Variants in CCDC142 observed in about 807,000 individuals in gnomAD.
The protein encoded by CCDC142 is coiled-coil domain-containing protein 142.
Under a neutral mutation model 83.8 loss-of-function variants are expected in CCDC142, and 67 were observed. The observed-to-expected ratio is 0.80, with a 90% CI of 0.66 to 0.98. CCDC142 has a LOEUF of 0.98. CCDC142 is among the 50% of genes least tolerant of loss of function. CCDC142 has a pLI of 0.00. For missense variants in CCDC142, 905 were observed against 946.8 expected (o/e 0.96, Z 0.58); for synonymous variants, 421 against 421.2 (o/e 1.00, Z 0.01).
At position 74,473,333 on chromosome 2, in the gene CCDC142, T is replaced by G. The variant is rs1238354746; in HGVS notation, c.*1213A>C. 1 of 152,764 alleles carries G rather than the reference T, an allele frequency of 6.5e-6. No individual in the cohort carries two copies. Among genetic ancestry groups the G allele is most frequent in the Non-Finnish European group, 1.5e-5 (1 of 68,382 alleles). The allele number at this position is 152,764 out of a possible 1,614,324, so 9.5% of individuals were successfully genotyped here. A position where few individuals can be genotyped will look rare whatever the true frequency, so the allele number is the denominator to read the frequency against. Reference sequence around the variant, plus strand: ...GAAGTGCATTCTAGCCAGTTTTCTTTTTTTGAGACGAAGTTTTGCTCTTGT... The same window carrying G: ...GAAGTGCATTCTAGCCAGTTTTCTTGTTTTGAGACGAAGTTTTGCTCTTGT... On this transcript the variant is annotated 3_prime_UTR_variant, in exon 9 of 9. Coordinates refer to ENST00000393965, the MANE Select transcript of CCDC142 (RefSeq NM_001365575.2).
intron 5 of CCDC142, among the ~76,000 whole-genome samples, chr2:74,478,070 A>G (rs984495694): frequency 2.0e-4 from 30 of 147,598 alleles, no homozygotes; most frequent in Non-Finnish European, 2.7e-4. Flanking sequence ...ATATATATAT[A>G]TACTTTTTTT....
At chr2:74,480,383 G>A (rs1672413493) in intron 5 of CCDC142, among the ~76,000 whole-genome samples, 1 of 152,112 alleles carries the variant, frequency 6.6e-6, no homozygotes, top group Non-Finnish European at 1.5e-5. Flanking sequence ...GAGCTCAAGG[G>A]TCCGAGACCA....
In CCDC142 at chr2:74,482,921, C is replaced by A; in HGVS notation, c.-84G>T. 1.3e-6 allele frequency: 2 copies of A among 1,563,714 alleles called. No individual in the cohort carries two copies. The highest frequency in any genetic ancestry group is 1.3e-5 in the African/African-American group (1 of 74,248). On this transcript the variant is annotated 5_prime_UTR_variant, in exon 1 of 9. Transcript: ENST00000393965. The surrounding 1 kb of genome is among the most constrained non-coding windows in gnomAD (Gnocchi z 5.0). Reference sequence around the variant, plus strand: ...CGCCGCAGCTCGGACTTCGCCCCATCGCAAGAGCCGTTTTCTCCAGTCCGG... The same window carrying A: ...CGCCGCAGCTCGGACTTCGCCCCATAGCAAGAGCCGTTTTCTCCAGTCCGG...
In CCDC142 at chr2:74,473,593, A is replaced by C. The variant is rs774559470; in HGVS notation, c.*953T>G. ...AGGCCTCCCAAAGTGCTGGGATTAC[A>C]GGCGTGAGCAGGCGTGAGCCCCCTC... On this transcript the variant is annotated 3_prime_UTR_variant, in exon 9 of 9. Transcript: ENST00000393965. Among the ~76,000 whole-genome samples, 2 of 152,048 alleles carry C rather than the reference A, an allele frequency of 1.3e-5. No individual in the cohort carries two copies. Among genetic ancestry groups the C allele is most frequent in the Non-Finnish European group, 2.9e-5 (2 of 67,974 alleles).
rs1030567940 is a variant in CCDC142, at chr2:74,481,354, C to A, written c.1127G>T (p.Gly376Val). The change falls in exon 3 of 9, where the codon GGA (glycine) becomes GTA (valine). Residue 376 changes from glycine (G) to valine (V), a missense_variant. Coordinates refer to ENST00000393965, the MANE Select transcript of CCDC142 (RefSeq NM_001365575.2). ...SWDQGFCQAL[G>V]SALGGQSSLP... ...GCTGCTCTGACCCCCAAGAGCTGATCCCAAGGCCTGGCAGAAACCTGAGGA... is the reference window on the plus strand; with the variant it reads ...GCTGCTCTGACCCCCAAGAGCTGATACCAAGGCCTGGCAGAAACCTGAGGA... 4 of 1,613,950 alleles carry A rather than the reference C, an allele frequency of 2.5e-6. No homozygotes were observed. In the Admixed American group the frequency reaches 6.7e-5, roughly 27 times the overall value.
In CCDC142 at chr2:74,482,143, G is replaced by A. The variant is rs376698702; in HGVS notation, c.695C>T (p.Thr232Met). The change falls in exon 1 of 9, where the codon ACG becomes ATG. Residue 232 changes from threonine (T) to methionine (M), a missense_variant. Transcript: ENST00000393965. This position sits in a 1 kb window ranked among gnomAD's most constrained non-coding sequence, Gnocchi z 5.0. The stretch of plus-strand genomic sequence containing the variant: ...CGTCAAGAGGCGGAGCACACGGGAC[G>A]TGGGGAAAGGACGTGCGGCCCCTGG... ...HVPGAARPFP[T>M]SRVLRLLTGE... 3.7e-5 allele frequency: 59 copies of A among 1,613,746 alleles called. No homozygotes were observed. The highest frequency in any genetic ancestry group is 2.1e-4 in the South Asian group (19 of 91,028).
At position 74,475,638 on chromosome 2, in the gene CCDC142, C is replaced by G; in HGVS notation, c.1592G>C (p.Arg531Pro). 2 of 1,613,972 alleles carry G rather than the reference C, an allele frequency of 1.2e-6. No homozygotes were observed. The highest frequency in any genetic ancestry group is 1.7e-6 in the Non-Finnish European group (2 of 1,179,924). The change falls in exon 6 of 9, where the codon CGG (arginine) becomes CCG (proline). Residue 531 changes from arginine (R) to proline (P), a missense_variant. By Grantham distance (103) the Arg-to-Pro change is moderately radical. This residue lies in a region of CCDC142 where 265 missense variants were observed against 288.9 expected (regional missense o/e 0.92). Transcript: ENST00000393965. ...QGFKLYMPRG[R>P]YWRLRLCPEP... ...AGGACAGAGACGAAGCCGCCAGTAC[C>G]GACCCCGTGGCATGTAGAGCTTGAA...
rs888944227 is a variant in CCDC142, at chr2:74,482,905, T to A, written c.-68A>T. ...TGCACGGACCAACGCCCGCCGCAGC[T>A]CGGACTTCGCCCCATCGCAAGAGCC... On this transcript the variant is annotated 5_prime_UTR_variant, in exon 1 of 9. Transcript: ENST00000393965. This position sits in a 1 kb window ranked among gnomAD's most constrained non-coding sequence, Gnocchi z 5.0. The A allele has an allele frequency of 6.4e-7, 1 of 1,568,120 alleles. No individual in the cohort carries two copies. Among genetic ancestry groups the A allele is most frequent in the Non-Finnish European group, 8.6e-7 (1 of 1,159,448 alleles).
rs140847128 is a variant in CCDC142 at position 74,480,465 on chromosome 2, C to T, written c.1503+304G>A. 8.6e-5 allele frequency among the ~76,000 whole-genome samples: 13 copies of T among 151,944 alleles called. No homozygotes were observed. In the East Asian group the frequency reaches 1.7e-3, roughly 20 times the overall value. On this transcript the variant is annotated intron_variant, in intron 5 of 8. Coordinates refer to ENST00000393965, the MANE Select transcript of CCDC142 (RefSeq NM_001365575.2). Reference sequence around the variant, plus strand: ...AGTTAGACACGTGTGGTGGCACGAGCTTGTAGTCTCAGCTACTAGGGAGGC... The same window carrying T: ...AGTTAGACACGTGTGGTGGCACGAGTTTGTAGTCTCAGCTACTAGGGAGGC...
Position 74,480,892 on chromosome 2 carries a change from G to T in CCDC142, c.1390-10C>A, listed in dbSNP as rs376679728. 7.4e-6 allele frequency: 12 copies of T among 1,613,450 alleles called. No individual in the cohort carries two copies. In the South Asian group the frequency reaches 1.2e-4, roughly 16 times the overall value. The stretch of plus-strand genomic sequence containing the variant: ...CCTCATGCAACAGAGGCTTTGGGTG[G>T]AAACAGGGAGTGAGGGCTCAGCCTA... On this transcript the variant is annotated splice_polypyrimidine_tract_variant and intron_variant, in intron 4 of 8. Transcript: ENST00000393965.
chr2:74,482,190 C>G lies in CCDC142; in HGVS notation c.648G>C (p.Gln216His). The G allele has an allele frequency of 6.2e-7, 1 of 1,613,706 alleles. No individual in the cohort carries two copies. Among genetic ancestry groups the G allele is most frequent in the Non-Finnish European group, 8.5e-7 (1 of 1,179,948 alleles). Residue 216 changes from glutamine to histidine, a missense_variant, in exon 1 of 9, where the codon CAG becomes CAC. Physicochemically the swap from Gln to His is conservative, Grantham distance 24. Coordinates refer to ENST00000393965, the MANE Select transcript of CCDC142 (RefSeq NM_001365575.2). The surrounding 1 kb of genome is among the most constrained non-coding windows in gnomAD (Gnocchi z 5.0). ...CTGGGACGTGGCTCAAGGCTTTTCT[C>G]TGTAGTGTGTGGTAGGCGGGAAGTG... ...LFALPAYHTL[Q>H]RKALSHVPGA...
chr2:74,474,334 C>G lies in CCDC142; in HGVS notation c.*212G>C, dbSNP rs919680851. Reference sequence around the variant, plus strand: ...TCCTGACCTCATGATCCGCCTGCCTCGGTCTCCCAAAGTGCTGGATTACAG... The same window carrying G: ...TCCTGACCTCATGATCCGCCTGCCTGGGTCTCCCAAAGTGCTGGATTACAG... On this transcript the variant is annotated 3_prime_UTR_variant, in exon 9 of 9. Transcript: ENST00000393965. 1.9e-6 allele frequency: 1 copy of G among 523,224 alleles called. No individual in the cohort carries two copies. The highest frequency in any genetic ancestry group is 2.6e-5 in the South Asian group (1 of 37,830). 32.4% of individuals were successfully genotyped at this position (523,224 alleles called of 1,614,324 possible).
In CCDC142 at chr2:74,475,336, T is replaced by G. The variant is rs781182220; in HGVS notation, c.1685A>C (p.Gln562Pro). The G allele has an allele frequency of 2.1e-5, 34 of 1,613,314 alleles. No individual in the cohort carries two copies. Among genetic ancestry groups the G allele is most frequent in the Non-Finnish European group, 2.8e-5 (33 of 1,179,558 alleles). The change falls in exon 7 of 9, where the codon CAA becomes CCA. Residue 562 changes from glutamine (Q) to proline (P), a missense_variant. By Grantham distance (76) the Gln-to-Pro change is moderately conservative (BLOSUM62 -1). Around this residue, in one of 3 missense-constraint regions of CCDC142, gnomAD observed 265 missense variants for 288.9 expected, o/e 0.92. Coordinates refer to ENST00000393965, the MANE Select transcript of CCDC142 (RefSeq NM_001365575.2). Reference protein sequence around the residue: ...VVRTVLEPVLQGLQGLPPQAQ... With the variant: ...VVRTVLEPVLPGLQGLPPQAQ... ...TTGAGGTGGCAACCCTTGCAATCCT[T>G]GCAACACAGGCTCCAGTACGGTGCG...
chr2:74,475,346 G>A lies in CCDC142; in HGVS notation c.1675C>T (p.Pro559Ser), dbSNP rs765703219. 7 of 1,612,112 alleles carry A rather than the reference G, an allele frequency of 4.3e-6. No individual in the cohort carries two copies. The highest frequency in any genetic ancestry group is 1.6e-4 in the Middle Eastern group (1 of 6,072). Residue 559 changes from proline (P) to serine (S), a missense_variant, in exon 7 of 9, where the codon CCT becomes TCT. By Grantham distance (74) the Pro-to-Ser change is moderately conservative (BLOSUM62 -1). Coordinates refer to ENST00000393965, the MANE Select transcript of CCDC142 (RefSeq NM_001365575.2). ...AACCCTTGCAATCCTTGCAACACAG[G>A]CTCCAGTACGGTGCGGACCACTAAA... ...AGLVVRTVLE[P>S]VLQGLQGLPP...
chr2:74,473,714 C>T lies in CCDC142; in HGVS notation c.*832G>A, dbSNP rs1335552633. 6.7e-6 allele frequency: 1 copy of T among 149,294 alleles called. No homozygotes were observed. The highest frequency in any genetic ancestry group is 2.0e-4 in the East Asian group (1 of 5,102). The allele number at this position is 149,294 out of a possible 1,614,324, so 9.2% of individuals were successfully genotyped here. On this transcript the variant is annotated 3_prime_UTR_variant, in exon 9 of 9. Transcript: ENST00000393965. ...AAGGGTCTGACCTTCAGGTTCCAGGCTATGGTCTTGCTCTTTACTCTGGAT... is the reference window on the plus strand; with the variant it reads ...AAGGGTCTGACCTTCAGGTTCCAGGTTATGGTCTTGCTCTTTACTCTGGAT...
rs201575358 is a variant in CCDC142, at chr2:74,474,731, G to A, written c.2068C>T (p.Pro690Ser). 1 of 1,614,150 alleles carries A rather than the reference G, an allele frequency of 6.2e-7. No individual in the cohort carries two copies. The highest frequency in any genetic ancestry group is 8.5e-7 in the Non-Finnish European group (1 of 1,179,992). The change falls in exon 9 of 9, where the codon CCG (proline) becomes TCG (serine). Residue 690 changes from proline to serine, a missense_variant. Coordinates refer to ENST00000393965, the MANE Select transcript of CCDC142 (RefSeq NM_001365575.2). ...GCTGGAGATGTTCCAGGCTGGAGCG[G>A]GGGCTCCAAGCTCTCCAGGCTATTG... ...CLNSLESLEP[P>S]LQPGTSPAQT...
chr2:74,482,516 C>T lies in CCDC142; in HGVS notation c.322G>A (p.Ala108Thr). 6.4e-7 allele frequency: 1 copy of T among 1,573,934 alleles called. No individual in the cohort carries two copies. The highest frequency in any genetic ancestry group is 1.1e-5 in the South Asian group (1 of 87,524). The change falls in exon 1 of 9, where the codon GCC (alanine) becomes ACC (threonine). Residue 108 changes from alanine (A) to threonine (T), a missense_variant. Physicochemically the swap from Ala to Thr is moderately conservative, Grantham distance 58. Coordinates refer to ENST00000393965, the MANE Select transcript of CCDC142 (RefSeq NM_001365575.2). The surrounding 1 kb of genome is among the most constrained non-coding windows in gnomAD (Gnocchi z 5.0). ...TGTAGGTGGTAGGCGCAGTCTCGGG[C>T]CTGGAGGAGCTGCTCCCGCTCGCGA... ...LHREREQLLQARDCAYHLQSA... is the reference protein window; with the variant it reads ...LHREREQLLQTRDCAYHLQSA...
In CCDC142 at chr2:74,482,277, G is replaced by A. The variant is rs1368271149; in HGVS notation, c.561C>T (p.Arg187=). Residue 187 remains arginine (R), a synonymous_variant, in exon 1 of 9, where the codon CGC becomes CGT. Coordinates refer to ENST00000393965, the MANE Select transcript of CCDC142 (RefSeq NM_001365575.2). This position sits in a 1 kb window ranked among gnomAD's most constrained non-coding sequence, Gnocchi z 5.0. ...CLEAVIEMQL[R]ALGREPASPG... is the part of the protein sequence containing the mutation. The stretch of plus-strand genomic sequence containing the variant: ...GGCTGGCGGGCTCCCGGCCGAGAGC[G>A]CGAAGCTGCATCTCGATGACAGCCT... 1 of 1,612,592 alleles carries A rather than the reference G, an allele frequency of 6.2e-7. No individual in the cohort carries two copies. The highest frequency in any genetic ancestry group is 1.3e-5 in the African/African-American group (1 of 75,070).
Position 74,482,159 on chromosome 2 carries a change from C to A in CCDC142, c.679G>T (p.Ala227Ser). ...ACACGGGACGTGGGGAAAGGACGTG[C>A]GGCCCCTGGGACGTGGCTCAAGGCT... ...RKALSHVPGA[A>S]RPFPTSRVLR... The change falls in exon 1 of 9, where the codon GCA becomes TCA. Residue 227 changes from alanine to serine, a missense_variant. Physicochemically the swap from Ala to Ser is moderately conservative, Grantham distance 99. This residue lies in a region of CCDC142 where 591 missense variants were observed against 571.4 expected (regional missense o/e 1.03). Transcript: ENST00000393965. The surrounding 1 kb of genome is among the most constrained non-coding windows in gnomAD (Gnocchi z 5.0). 2 of 1,613,730 alleles carry A rather than the reference C, an allele frequency of 1.2e-6. No homozygotes were observed. The highest frequency in any genetic ancestry group is 1.7e-6 in the Non-Finnish European group (2 of 1,179,952).
Sources: allele counts gnomAD v4.1 joint callset (sites outside exome capture counted in the v4.1 genomes callset), GRCh38; gene constraint gnomAD v4.1.1; regional missense constraint gnomAD v4.1.1; non-coding constraint Gnocchi (gnomAD v3.1); transcripts MANE v1.5; gene names NCBI Gene and HGNC (gene_info 2026-07-23, HGNC 2026-07-21).